EXOC6B: variants seen among roughly 807,000 people sequenced by gnomAD.
EXOC6B encodes exocyst complex component 6B, also known as SEC15 homolog B.
EXOC6B carries 54 observed loss-of-function variants against 113.5 expected under a neutral mutation model. The ratio of observed to expected loss-of-function variants is 0.48; its 90% CI spans 0.38 to 0.60. The LOEUF is 0.60. Ranked by LOEUF, EXOC6B falls within the 20% of genes least tolerant of loss-of-function variation. The probability of loss-of-function intolerance (pLI) is 0.00; values close to 1 mark genes in which losing one functional copy is unlikely to be tolerated. For synonymous variants in EXOC6B, 357 were observed against 339.0 expected (o/e 1.05, Z -0.58); for missense variants, 797 against 977.5 (o/e 0.82, Z 2.46).
chr2:72,349,614 G>A (rs1249877293), intron 19 of EXOC6B, among the ~76,000 whole-genome samples: 1 of 152,028 alleles, frequency 6.6e-6, no homozygotes, highest in East Asian at 1.9e-4. Context: ...AAGCTGAGAG[G>A]GAGACACACT....
At chr2:72,758,439 A>C (rs1054746877) in intron 1 of EXOC6B, among the ~76,000 whole-genome samples, 5 of 144,564 alleles carry the variant, frequency 3.5e-5, no homozygotes, top group African/African-American at 5.1e-5. Context: ...CAAGATATGC[A>C]AAAAAAAAAC....
chr2:72,228,591 G>A (rs1199972756), intron 20 of EXOC6B, among the ~76,000 whole-genome samples: 1 of 152,082 alleles, frequency 6.6e-6, no homozygotes, highest in African/African-American at 2.4e-5. Flanking sequence ...CAAAGGACAT[G>A]AACTCATCAT....
At chr2:72,646,302 T>C (rs745981575) in intron 6 of EXOC6B, among the ~76,000 whole-genome samples, 2 of 101,864 alleles carry the variant, frequency 2.0e-5, no homozygotes, top group African/African-American at 4.9e-5. Flanking sequence ...CAATAATTAA[T>C]AGCCTACCAA....
intron 8 of EXOC6B, among the ~76,000 whole-genome samples, chr2:72,535,392 T>A (rs991588821): frequency 6.6e-6 from 1 of 152,202 alleles, no homozygotes; most frequent in African/African-American, 2.4e-5. Context: ...AAAGAATGTG[T>A]GGTGACTAAG....
intron 6 of EXOC6B, among the ~76,000 whole-genome samples, chr2:72,629,590 C>T (rs1002548545): frequency 4.6e-5 from 7 of 152,266 alleles, no homozygotes; most frequent in African/African-American, 1.7e-4. Flanking sequence ...ACAAAGGACC[C>T]TACCACACAA....
intron 7 of EXOC6B, among the ~76,000 whole-genome samples, chr2:72,560,859 T>G (rs948148581): frequency 6.6e-6 from 1 of 151,304 alleles, no homozygotes; most frequent in Non-Finnish European, 1.5e-5. Flanking sequence ...AAAAAAAAGT[T>G]TAAGAAGAGG....
intron 2 of EXOC6B, among the ~76,000 whole-genome samples, chr2:72,739,546 ATC>A (rs1186423870): frequency 6.6e-6 from 1 of 152,054 alleles, no homozygotes; most frequent in Non-Finnish European, 1.5e-5. Flanking sequence ...ATGTTGTTAC[ATC>A]TCTCAATTTT....
Position 72,264,879 on chromosome 2 carries a change from G to T in EXOC6B, c.2196+70068C>A, listed in dbSNP as rs13392901. On this transcript the variant is annotated intron_variant, in intron 20 of 21. Coordinates refer to ENST00000272427, the MANE Select transcript of EXOC6B (RefSeq NM_015189.3). ...GAGGCCTCCTCAGCCATGCTGAACT[G>T]TGAGTCAATTAAACCTCTTTTCTTT... 8.7e-3 allele frequency among the ~76,000 whole-genome samples: 1,331 copies of T among 152,178 alleles called. 20 individuals carry two copies. The highest frequency in any genetic ancestry group is 0.03 in the African/African-American group (1,262 of 41,526).
At chr2:72,633,747 T>C (rs186411841) in intron 6 of EXOC6B, among the ~76,000 whole-genome samples, 1 of 152,290 alleles carries the variant, frequency 6.6e-6, no homozygotes, top group African/African-American at 2.4e-5. Flanking sequence ...TGCTGAAGTG[T>C]CTAAGACAGT....
chr2:72,621,748 T>C (rs2104191139), intron 6 of EXOC6B, among the ~76,000 whole-genome samples: 1 of 152,322 alleles, frequency 6.6e-6, no homozygotes, highest in East Asian at 1.9e-4. Flanking sequence ...TTGTCTCACA[T>C]GTACATTAAT....
At chr2:72,564,700 G>A (rs1704067057) in intron 7 of EXOC6B, among the ~76,000 whole-genome samples, 1 of 152,132 alleles carries the variant, frequency 6.6e-6, no homozygotes, top group Non-Finnish European at 1.5e-5. Flanking sequence ...ATTTGGATAT[G>A]AGCTTTTATG....
chr2:72,299,427 T>G (rs992373788), intron 20 of EXOC6B, among the ~76,000 whole-genome samples: 4 of 152,074 alleles, frequency 2.6e-5, no homozygotes, highest in Non-Finnish European at 4.4e-5. Context: ...TCATCTAACC[T>G]TTTTTTAAGG....
At chr2:72,689,587 T>C (rs1227425533) in intron 6 of EXOC6B, among the ~76,000 whole-genome samples, 2 of 152,138 alleles carry the variant, frequency 1.3e-5, no homozygotes, top group Non-Finnish European at 2.9e-5. Flanking sequence ...GAAGACTAGG[T>C]CTGAATGGTT....
intron 18 of EXOC6B, among the ~76,000 whole-genome samples, chr2:72,461,113 G>C (rs1431075802): frequency 6.7e-6 from 1 of 148,662 alleles, no homozygotes; most frequent in Non-Finnish European, 1.5e-5. Context: ...CAAGGACAAA[G>C]AACCAAACAC....
chr2:72,548,699 A>C (rs1439605606), intron 8 of EXOC6B, among the ~76,000 whole-genome samples: 1 of 152,240 alleles, frequency 6.6e-6, no homozygotes, highest in African/African-American at 2.4e-5. Context: ...ACTAATACTA[A>C]GTGCTAAGTA....
intron 18 of EXOC6B, among the ~76,000 whole-genome samples, chr2:72,460,288 C>T (rs181393960): frequency 2.6e-5 from 4 of 151,982 alleles, no homozygotes; most frequent in South Asian, 2.1e-4. Flanking sequence ...TTCAAGGACA[C>T]AGGCATGGGC....
chr2:72,176,998 T>C lies in EXOC6B; in HGVS notation c.*2337A>G, dbSNP rs1677772284. On this transcript the variant is annotated 3_prime_UTR_variant, in exon 22 of 22. Coordinates refer to ENST00000272427, the MANE Select transcript of EXOC6B (RefSeq NM_015189.3). ...ACTTTTCTAGTTCAAAAACTTGACA[T>C]TGCTGGTCCCTGTTTTTACCTTCCC... 6.6e-6 allele frequency: 1 copy of C among 152,212 alleles called. No individual in the cohort carries two copies. 9.4% of individuals were successfully genotyped at this position (152,212 alleles called of 1,614,324 possible). A position where few individuals can be genotyped will look rare whatever the true frequency, so the allele number is the denominator to read the frequency against.
At chr2:72,339,678 C>T (rs1688912308) in intron 19 of EXOC6B, among the ~76,000 whole-genome samples, 1 of 152,160 alleles carries the variant, frequency 6.6e-6, no homozygotes, top group African/African-American at 2.4e-5. Context: ...GTATCAGGAC[C>T]TGACTCCAAG....
intron 20 of EXOC6B, among the ~76,000 whole-genome samples, chr2:72,329,371 C>T (rs964768596): frequency 2.6e-5 from 4 of 152,066 alleles, no homozygotes; most frequent in Non-Finnish European, 4.4e-5. Flanking sequence ...GCCTGCCCCA[C>T]CCCAGCCCCA....
Sources: allele counts gnomAD v4.1 joint callset (sites outside exome capture counted in the v4.1 genomes callset), GRCh38; gene constraint gnomAD v4.1.1; transcripts MANE v1.5; gene names NCBI Gene and HGNC (gene_info 2026-07-23, HGNC 2026-07-21).